Variants in APBB2 observed in about 807,000 individuals in gnomAD.
The protein encoded by APBB2 is Fe65-like 1.
Under a neutral mutation model 82.5 loss-of-function variants are expected in APBB2, and 38 were observed. The observed-to-expected ratio is 0.46, with a 90% CI of 0.36 to 0.60. The LOEUF (loss-of-function observed/expected upper bound fraction) is 0.60, where lower values mean the gene tolerates loss of function less well. Among genes scored for constraint, APBB2 ranks in the 20% least tolerant of loss-of-function variants. The pLI, the probability that APBB2 is intolerant of heterozygous loss-of-function variation, is 0.00. For synonymous variants in APBB2, 341 were observed against 368.2 expected (o/e 0.93, Z 0.85); for missense variants, 772 against 972.3 (o/e 0.79, Z 2.74).
intron 10 of APBB2, among the ~76,000 whole-genome samples, chr4:40,894,079 G>A (rs1772929606): frequency 6.6e-6 from 1 of 152,030 alleles, no homozygotes; most frequent in Admixed American, 6.6e-5. Context: ...ACGAGGTCAG[G>A]AGATCGAGAC....
At chr4:41,181,752 C>T (rs1771423139) in intron 1 of APBB2, among the ~76,000 whole-genome samples, 1 of 151,976 alleles carries the variant, frequency 6.6e-6, no homozygotes, top group Non-Finnish European at 1.5e-5. Flanking sequence ...TCGAGACCAG[C>T]CTGACCAACA....
intron 6 of APBB2, among the ~76,000 whole-genome samples, chr4:40,987,378 TAC>T (rs1463200932): frequency 6.6e-6 from 1 of 152,236 alleles, no homozygotes. Context: ...AATGTAAAGT[TAC>T]ACAATCATCA....
rs186097503 is a variant in APBB2, at chr4:40,945,733, C to T, written c.836-660G>A. Among the ~76,000 whole-genome samples, 24 of 152,322 alleles carry T rather than the reference C, an allele frequency of 1.6e-4. No individual in the cohort carries two copies. In the East Asian group the frequency reaches 4.6e-3, roughly 29 times the overall value. On this transcript the variant is annotated intron_variant, in intron 6 of 17. Coordinates refer to ENST00000508593, the MANE Select transcript of APBB2 (RefSeq NM_004307.2). ...GTTCACACCATTCTCCTGCCTCAGC[C>T]TCCCAAGTAGCTGGGACTACAGGCG...
rs1770539042 is a variant in APBB2, at chr4:41,178,797, C to T, written c.-417+35608G>A. ...CACATTCTTAATAAGTGGCAAAGAC[C>T]CAAGTGTGTTAACTCCTAGTCTAGG... On this transcript the variant is annotated intron_variant, in intron 1 of 17. Transcript: ENST00000508593. Among the ~76,000 whole-genome samples the T allele has an allele frequency of 2.0e-5, 3 of 152,112 alleles. No individual in the cohort carries two copies. In the South Asian group the frequency reaches 6.2e-4, roughly 32 times the overall value.
At chr4:40,943,334 G>A (rs1578623506) in intron 7 of APBB2, among the ~76,000 whole-genome samples, 1 of 152,282 alleles carries the variant, frequency 6.6e-6, no homozygotes, top group South Asian at 2.1e-4. Flanking sequence ...CTAAAGGTTT[G>A]GAATAGGGAA....
chr4:40,885,407 C>G (rs1244593959), intron 12 of APBB2, among the ~76,000 whole-genome samples: 4 of 152,272 alleles, frequency 2.6e-5, no homozygotes, highest in Non-Finnish European at 5.9e-5. Flanking sequence ...GATTGTAGCC[C>G]CATAGTACTC....
chr4:41,169,409 G>C lies in APBB2; in HGVS notation c.-416-26267C>G, dbSNP rs192377736. ...TCAGATAAAAGCTTTTCACATCCCT[G>C]CAATTAAATGGCCACCTGGAAGGTT... On this transcript the variant is annotated intron_variant, in intron 1 of 17. Transcript: ENST00000508593. 2.9e-3 allele frequency among the ~76,000 whole-genome samples: 438 copies of C among 150,902 alleles called. 2 individuals are homozygous for C. The highest frequency in any genetic ancestry group is 3.8e-3 in the Non-Finnish European group (255 of 67,170).
intron 1 of APBB2, among the ~76,000 whole-genome samples, chr4:41,143,877 C>A (rs1013153579): frequency 1.3e-5 from 2 of 152,106 alleles, no homozygotes; most frequent in Non-Finnish European, 2.9e-5. Flanking sequence ...AAAAGGAATC[C>A]CTTAACTATC....
At chr4:40,913,867 T>C (rs991635217) in intron 10 of APBB2, among the ~76,000 whole-genome samples, 1 of 151,998 alleles carries the variant, frequency 6.6e-6, no homozygotes, top group African/African-American at 2.4e-5. Context: ...GAAATACTTA[T>C]GTTAGGTAAG....
At chr4:40,926,101 A>G (rs896487122) in intron 10 of APBB2, among the ~76,000 whole-genome samples, 4 of 152,260 alleles carry the variant, frequency 2.6e-5, no homozygotes, top group African/African-American at 7.2e-5. Context: ...ACTAGAAGAT[A>G]CTGCATAGAA....
chr4:41,045,297 T>C (rs1428525389), intron 4 of APBB2, among the ~76,000 whole-genome samples: 2 of 152,092 alleles, frequency 1.3e-5, no homozygotes, highest in Non-Finnish European at 2.9e-5. Context: ...TTTTTTTGTT[T>C]TGTTTTGTTT....
intron 1 of APBB2, among the ~76,000 whole-genome samples, chr4:41,200,558 T>A (rs1309781768): frequency 6.6e-6 from 1 of 152,200 alleles, no homozygotes; most frequent in East Asian, 1.9e-4. Context: ...CTGGAACTTA[T>A]CCTCCGTGAT....
At chr4:40,969,942 T>C (rs1171533591) in intron 6 of APBB2, among the ~76,000 whole-genome samples, 2 of 152,242 alleles carry the variant, frequency 1.3e-5, no homozygotes, top group Non-Finnish European at 2.9e-5. Flanking sequence ...TGATAACACA[T>C]ACTTAAGTGC....
At position 41,013,714 on chromosome 4, in the gene APBB2, T is replaced by C; in HGVS notation, c.704A>G (p.Asp235Gly). ...GGTTTTGGCCCCTGTTTTCGGATGA[T>C]CCTTCTTGGTTTCTGGGCTGGATGA... The part of the protein sequence containing the change: ...TVSSSPETKK[D>G]HPKTGAKTDC... The change falls in exon 6 of 18, where the codon GAT becomes GGT. Residue 235 changes from aspartate to glycine, a missense_variant. Transcript: ENST00000508593. 1 of 1,614,190 alleles carries C rather than the reference T, an allele frequency of 6.2e-7. No individual in the cohort carries two copies. Among genetic ancestry groups the C allele is most frequent in the Non-Finnish European group, 8.5e-7 (1 of 1,180,030 alleles).
At position 41,171,479 on chromosome 4, in the gene APBB2, T is replaced by G. The variant is rs1442020093; in HGVS notation, c.-416-28337A>C. 5.3e-5 allele frequency among the ~76,000 whole-genome samples: 8 copies of G among 152,018 alleles called. No homozygotes were observed. The East Asian group carries it at 1.2e-3, about 22-fold the overall frequency. On this transcript the variant is annotated intron_variant, in intron 1 of 17. Transcript: ENST00000508593. ...GTCAGAAGCCAACTTTGAATCTTGT[T>G]GAATAAACAGAATTTTGGAAGACAA...
chr4:40,982,276 A>G (rs1798851922), intron 6 of APBB2, among the ~76,000 whole-genome samples: 2 of 46,310 alleles, frequency 4.3e-5, no homozygotes, highest in African/African-American at 2.2e-4. Context: ...GAAAGAAAGA[A>G]AGAAAGAAGG....
intron 5 of APBB2, among the ~76,000 whole-genome samples, chr4:41,029,991 C>A (rs1007702070): frequency 6.6e-6 from 1 of 152,126 alleles, no homozygotes. Flanking sequence ...CCCGTCTCTA[C>A]TAAAAATACA....
At chr4:41,152,887 C>T (rs1482162141) in intron 1 of APBB2, among the ~76,000 whole-genome samples, 1 of 152,196 alleles carries the variant, frequency 6.6e-6, no homozygotes, top group African/African-American at 2.4e-5. Flanking sequence ...TGACCCAAGA[C>T]TTAGTCTCTA....
chr4:40,848,805 C>G, intron 12 of APBB2: 1 of 965,458 alleles, frequency 1.0e-6, no homozygotes, highest in South Asian at 4.8e-5. Flanking sequence ...TGCTGATCGG[C>G]TGCTTGGTCT....
Sources: gnomAD v4.1 joint callset for allele counts (sites outside exome capture counted in the v4.1 genomes callset) on GRCh38, gnomAD v4.1.1 for gene constraint, MANE v1.5 for transcripts, NCBI Gene and HGNC (gene_info 2026-07-23, HGNC 2026-07-21) for gene names.